Variants in RCAN2 observed in about 807,000 individuals in gnomAD.
RCAN2 encodes the protein regulator of calcineurin 2.
Under a neutral mutation model 23.6 loss-of-function variants are expected in RCAN2, and 9 were observed. That is an observed-to-expected ratio of 0.38 (90% CI 0.23 to 0.67). RCAN2 has a LOEUF of 0.67. Among genes scored for constraint, RCAN2 ranks in the 30% least tolerant of loss-of-function variants. RCAN2 has a pLI of 0.51. For synonymous variants in RCAN2, 109 were observed against 115.7 expected (o/e 0.94, Z 0.37); for missense variants, 273 against 302.3 (o/e 0.90, Z 0.72).
At chr6:46,424,960 A>G (rs1356864150) in intron 2 of RCAN2, among the ~76,000 whole-genome samples, 1 of 152,166 alleles carries the variant, frequency 6.6e-6, no homozygotes, top group African/African-American at 2.4e-5. Context: ...CCTTACCCTC[A>G]TGGAGCTTTT....
At chr6:46,400,084 C>T (rs1383552499) in intron 2 of RCAN2, among the ~76,000 whole-genome samples, 1 of 152,214 alleles carries the variant, frequency 6.6e-6, no homozygotes, top group East Asian at 1.9e-4. Flanking sequence ...GATCCCACCT[C>T]TGGTTTCCAC....
intron 2 of RCAN2, among the ~76,000 whole-genome samples, chr6:46,331,389 T>A (rs1353097950): frequency 6.6e-6 from 1 of 152,202 alleles, no homozygotes; most frequent in African/African-American, 2.4e-5. Flanking sequence ...TAAAGTATCA[T>A]TAGGAATTCA....
intron 2 of RCAN2, among the ~76,000 whole-genome samples, chr6:46,348,287 A>G (rs996672580): frequency 2.0e-5 from 3 of 152,252 alleles, no homozygotes; most frequent in Admixed American, 2.0e-4. Context: ...TTAGCATGTC[A>G]GATCACAACC....
intron 2 of RCAN2, among the ~76,000 whole-genome samples, chr6:46,296,065 T>TTG (rs1582076918): frequency 2.0e-5 from 2 of 97,818 alleles, no homozygotes; most frequent in East Asian, 3.0e-4. Context: ...TCCAATAGCT[T>TTG]CGTGTGTGTG....
intron 4 of RCAN2, among the ~76,000 whole-genome samples, chr6:46,238,556 A>AT (rs1160853578): frequency 6.6e-6 from 1 of 151,966 alleles, no homozygotes; most frequent in African/African-American, 2.4e-5. Flanking sequence ...CATTTAAATT[A>AT]TTTTTTTATT....
At chr6:46,343,530 C>A (rs1482752751) in intron 2 of RCAN2, among the ~76,000 whole-genome samples, 2 of 151,966 alleles carry the variant, frequency 1.3e-5, no homozygotes, top group Admixed American at 1.3e-4. Flanking sequence ...TGCCCGTCAC[C>A]ACGCCCAGCT....
chr6:46,344,788 G>C (rs1363380756), intron 2 of RCAN2, among the ~76,000 whole-genome samples: 5 of 151,748 alleles, frequency 3.3e-5, no homozygotes, highest in Non-Finnish European at 7.4e-5. Context: ...AGGCAGAAAA[G>C]GAACAACAAA....
At chr6:46,252,834 C>T (rs1459077586) in intron 2 of RCAN2, among the ~76,000 whole-genome samples, 1 of 152,164 alleles carries the variant, frequency 6.6e-6, no homozygotes, top group Non-Finnish European at 1.5e-5. Context: ...AAACTGGCCT[C>T]ATCCAAATAT....
chr6:46,256,231 G>T (rs911742454), intron 2 of RCAN2, among the ~76,000 whole-genome samples: 15 of 152,082 alleles, frequency 9.9e-5, no homozygotes, highest in South Asian at 4.2e-4. Flanking sequence ...TTAGCTGGGC[G>T]TGGTGGCACA....
chr6:46,315,481 A>G (rs1415390237), intron 2 of RCAN2, among the ~76,000 whole-genome samples: 1 of 152,168 alleles, frequency 6.6e-6, no homozygotes, highest in Non-Finnish European at 1.5e-5. Context: ...AGAAGGAAGA[A>G]GATTCCAGGT....
chr6:46,295,250 C>T (rs1163209584), intron 2 of RCAN2, among the ~76,000 whole-genome samples: 1 of 152,108 alleles, frequency 6.6e-6, no homozygotes, highest in Non-Finnish European at 1.5e-5. Flanking sequence ...GCTCCATTTA[C>T]AGATCTTGGC....
chr6:46,379,339 T>G (rs1765560736), intron 2 of RCAN2, among the ~76,000 whole-genome samples: 1 of 152,080 alleles, frequency 6.6e-6, no homozygotes. Context: ...GGGTCTCTCC[T>G]GCATCACCCA....
intron 4 of RCAN2, among the ~76,000 whole-genome samples, chr6:46,233,419 A>T (rs1216829796): frequency 6.6e-6 from 1 of 152,202 alleles, no homozygotes; most frequent in Non-Finnish European, 1.5e-5. Flanking sequence ...TTTTGAAGAA[A>T]CACTGGTGGC....
chr6:46,282,154 C>T (rs1176845330), intron 2 of RCAN2, among the ~76,000 whole-genome samples: 3 of 152,148 alleles, frequency 2.0e-5, no homozygotes, highest in African/African-American at 7.2e-5. Context: ...CTTCGCATTT[C>T]CCCTAATAAG....
At chr6:46,451,139 C>T (rs980159555) in intron 2 of RCAN2, among the ~76,000 whole-genome samples, 7 of 151,974 alleles carry the variant, frequency 4.6e-5, no homozygotes, top group African/African-American at 1.4e-4. Flanking sequence ...CACTTTATGG[C>T]GTTTCAGATT....
chr6:46,354,688 C>T (rs894822224), intron 2 of RCAN2, among the ~76,000 whole-genome samples: 9 of 152,254 alleles, frequency 5.9e-5, no homozygotes, highest in Non-Finnish European at 8.8e-5. Context: ...AATGTAGTCA[C>T]TGATCTTGCC....
intron 2 of RCAN2, among the ~76,000 whole-genome samples, chr6:46,280,185 A>C (rs1291514464): frequency 6.6e-6 from 1 of 152,194 alleles, no homozygotes; most frequent in Non-Finnish European, 1.5e-5. Flanking sequence ...CAGTGCCATA[A>C]TATCCCAGGC....
intron 2 of RCAN2, among the ~76,000 whole-genome samples, chr6:46,449,730 G>C (rs1433743629): frequency 6.6e-6 from 1 of 151,748 alleles, no homozygotes; most frequent in Non-Finnish European, 1.5e-5. Context: ...AGAAAAAACA[G>C]TTTCTTTAAT....
chr6:46,406,498 C>T (rs1461225881), intron 2 of RCAN2, among the ~76,000 whole-genome samples: 1 of 152,210 alleles, frequency 6.6e-6, no homozygotes, highest in Non-Finnish European at 1.5e-5. Flanking sequence ...ACCCTTGGTT[C>T]AGTCCTCACT....
Sources: gnomAD v4.1 joint callset for allele counts (sites outside exome capture counted in the v4.1 genomes callset) on GRCh38, gnomAD v4.1.1 for gene constraint, MANE v1.5 for transcripts, NCBI Gene and HGNC (gene_info 2026-07-23, HGNC 2026-07-21) for gene names.